ENPP1: variants seen among roughly 807,000 people sequenced by gnomAD.
The protein encoded by ENPP1 is ectonucleotide pyrophosphatase/phosphodiesterase family member 1.
Under a neutral mutation model 122.8 loss-of-function variants are expected in ENPP1, and 73 were observed. The observed-to-expected ratio is 0.59, with a 90% CI of 0.49 to 0.72. ENPP1 has a LOEUF of 0.72. ENPP1 is among the 30% of genes least tolerant of loss of function. The pLI is 0.00. For missense variants in ENPP1, 978 were observed against 1,128.1 expected, an observed-to-expected ratio of 0.87 and a Z score of 1.91; for synonymous variants, 367 against 391.6, an observed-to-expected ratio of 0.94 and a Z score of 0.74.
chr6:131,877,403 T>TG (rs917355197), intron 18 of ENPP1: 15 of 533,418 alleles, frequency 2.8e-5, no homozygotes, highest in Admixed American at 1.2e-4. Context: ...GGTGCAGGTG[T>TG]GGTGAAGTCT....
At chr6:131,883,928 T>C (rs1028569136) in intron 22 of ENPP1, among the ~76,000 whole-genome samples, 154 bp downstream of exon 22, 5 of 152,202 alleles carry the variant, frequency 3.3e-5, no homozygotes, top group African/African-American at 1.2e-4. Context: ...TACACAAAAA[T>C]TCTACAAATT....
At position 131,890,633 on chromosome 6, in the gene ENPP1, G is replaced by T; in HGVS notation, c.*122G>T. The T allele has an allele frequency of 1.2e-6, 1 of 845,820 alleles. No homozygotes were observed. The highest frequency in any genetic ancestry group is 1.9e-5 in the Admixed American group (1 of 51,838). The allele number at this position is 845,820 out of a possible 1,614,324, so 52.4% of individuals were successfully genotyped here. On this transcript the variant is annotated 3_prime_UTR_variant, in exon 25 of 25. Coordinates refer to ENST00000647893, the MANE Select transcript of ENPP1 (RefSeq NM_006208.3). ...GACCAGAGTTAGAACGGAGCCCTCG[G>T]TGATGCGGACATCTCAGGGAAACTT...
chr6:131,853,963 T>C (rs1781912925), intron 5 of ENPP1, among the ~76,000 whole-genome samples: 2 of 152,206 alleles, frequency 1.3e-5, no homozygotes, highest in South Asian at 2.1e-4. Context: ...CGTTAACTGT[T>C]TGTATATGTA....
chr6:131,817,859 A>G (rs544230701), intron 1 of ENPP1, among the ~76,000 whole-genome samples: 13 of 151,790 alleles, frequency 8.6e-5, no homozygotes, highest in Non-Finnish European at 1.8e-4. Flanking sequence ...GGAGGAAGTA[A>G]ATTGTCACAG....
intron 9 of ENPP1, among the ~76,000 whole-genome samples, chr6:131,862,718 G>A (rs1782039897): frequency 6.6e-6 from 1 of 152,192 alleles, no homozygotes; most frequent in African/African-American, 2.4e-5. Flanking sequence ...GCATGGTCTG[G>A]TAAATATCTC....
chr6:131,882,679 C>T (rs998004099), intron 21 of ENPP1, among the ~76,000 whole-genome samples: 1 of 143,518 alleles, frequency 7.0e-6, no homozygotes, highest in Non-Finnish European at 1.5e-5. Context: ...ATATATATAG[C>T]TTTGTTTATT....
chr6:131,877,071 G>A lies in ENPP1; in HGVS notation c.1803G>A (p.Thr601=), dbSNP rs199956400. The change falls in exon 18 of 25, where the codon ACG becomes ACA. Residue 601 remains threonine, a synonymous_variant. Coordinates refer to ENST00000647893, the MANE Select transcript of ENPP1 (RefSeq NM_006208.3). ...LNHLLKNPVY[T]PKHPKEVHPL... ...ACCTTCTAAAGAATCCTGTTTATAC[G>A]CCAAAGCATCCCAAAGAAGTGCACC... The A allele has an allele frequency of 2.9e-5, 47 of 1,613,776 alleles. No homozygotes were observed. The highest frequency in any genetic ancestry group is 9.4e-5 in the African/African-American group (7 of 74,864).
At chr6:131,857,183 C>T (rs1781958192) in intron 6 of ENPP1, among the ~76,000 whole-genome samples, 9 of 150,810 alleles carry the variant, frequency 6.0e-5, no homozygotes, top group Admixed American at 2.0e-4. Flanking sequence ...GAAATAGGAA[C>T]ACTTTTACAC....
intron 24 of ENPP1, among the ~76,000 whole-genome samples, chr6:131,890,127 C>T (rs1782447105): frequency 1.3e-5 from 2 of 152,118 alleles, no homozygotes; most frequent in Admixed American, 1.3e-4. Flanking sequence ...AGTTTCTTTT[C>T]CCCAAACTTG....
chr6:131,842,257 A>G (rs889334825), intron 1 of ENPP1, among the ~76,000 whole-genome samples: 1 of 152,206 alleles, frequency 6.6e-6, no homozygotes, highest in Non-Finnish European at 1.5e-5. Flanking sequence ...TAGAGAAGTG[A>G]CAGCCATGAT....
At chr6:131,880,601 C>A (rs1220832847) in intron 20 of ENPP1, among the ~76,000 whole-genome samples, 3 of 151,572 alleles carry the variant, frequency 2.0e-5, no homozygotes, top group Non-Finnish European at 4.4e-5. Context: ...GAAAAGAATT[C>A]TCTTTTCCTC....
In ENPP1 at chr6:131,886,712, C is replaced by A. The variant is rs377375853; in HGVS notation, c.2595C>A (p.Ser865Arg). 6.2e-7 allele frequency: 1 copy of A among 1,613,288 alleles called. No individual in the cohort carries two copies. Among genetic ancestry groups the A allele is most frequent in the South Asian group, 1.1e-5 (1 of 90,756 alleles). Residue 865 changes from serine to arginine, a missense_variant, in exon 24 of 25, where the codon AGC becomes AGA. Coordinates refer to ENST00000647893, the MANE Select transcript of ENPP1 (RefSeq NM_006208.3). ...TTTTGCCTCACAGGACTGATAACAG[C>A]GAGAGCTGTGTGGTAAGTAGCTTTT... ...AFILPHRTDN[S>R]ESCVHGKHDS...
At chr6:131,889,894 T>C (rs1411520957) in intron 24 of ENPP1, among the ~76,000 whole-genome samples, 1 of 152,220 alleles carries the variant, frequency 6.6e-6, no homozygotes, top group Non-Finnish European at 1.5e-5. Flanking sequence ...TGCACTAATT[T>C]ACACTCCCAC....
At chr6:131,847,926 T>C (rs1781833774) in intron 2 of ENPP1, 78 bp downstream of exon 2, 3 of 1,128,130 alleles carry the variant, frequency 2.7e-6, no homozygotes, top group Non-Finnish European at 3.9e-6. Context: ...AAGAATGTGA[T>C]TGAGGTAAAC....
chr6:131,845,983 CA>C (rs1781805728), intron 1 of ENPP1, among the ~76,000 whole-genome samples: 1 of 152,112 alleles, frequency 6.6e-6, no homozygotes, highest in African/African-American at 2.4e-5. Flanking sequence ...GCTTTCTTTG[CA>C]AAAACTCTTC....
intron 1 of ENPP1, 83 bp from the exon 2 acceptor site, chr6:131,847,693 A>T: frequency 2.0e-6 from 2 of 982,756 alleles, no homozygotes; most frequent in Non-Finnish European, 3.1e-6. Flanking sequence ...GTAACAGAGT[A>T]AGACACTATC....
chr6:131,875,416 TA>T (rs1782217687), intron 16 of ENPP1, among the ~76,000 whole-genome samples: 1 of 152,114 alleles, frequency 6.6e-6, no homozygotes, highest in South Asian at 2.1e-4. Context: ...CCCAGCACTT[TA>T]ACATTTTCAA....
chr6:131,851,295 G>T (rs1585815861), intron 4 of ENPP1, 28 bp downstream of exon 4: 7 of 1,613,856 alleles, frequency 4.3e-6, no homozygotes, highest in Non-Finnish European at 5.9e-6. Flanking sequence ...CTCTGCAGCA[G>T]CCTGGTATCT....
chr6:131,838,769 A>C (rs1207301146), intron 1 of ENPP1, among the ~76,000 whole-genome samples: 1 of 152,142 alleles, frequency 6.6e-6, no homozygotes, highest in Non-Finnish European at 1.5e-5. Context: ...AAATCATATC[A>C]AGAATGAAAA....
Sources: gnomAD v4.1 joint callset for allele counts (sites outside exome capture counted in the v4.1 genomes callset) on GRCh38, gnomAD v4.1.1 for gene constraint, MANE v1.5 for transcripts, NCBI Gene and HGNC (gene_info 2026-07-23, HGNC 2026-07-21) for gene names.